Variants in FGF6 observed in about 807,000 individuals in gnomAD.
FGF6 encodes FGF-6.
Under a neutral mutation model 18.4 loss-of-function variants are expected in FGF6, and 14 were observed. The ratio of observed to expected loss-of-function variants is 0.76; its 90% CI spans 0.50 to 1.19. FGF6 has a LOEUF of 1.19. Ranked by LOEUF, FGF6 falls within the 50% of genes most tolerant of loss-of-function variation. FGF6 has a pLI of 0.00. For synonymous variants in FGF6, 125 were observed against 116.7 expected, an observed-to-expected ratio of 1.07 and a Z score of -0.46; for missense variants, 266 against 271.6, an observed-to-expected ratio of 0.98 and a Z score of 0.15.
intron 2 of FGF6, among the ~76,000 whole-genome samples, chr12:4,436,096 A>G (rs953731722): frequency 6.6e-6 from 1 of 152,100 alleles, no homozygotes; most frequent in Non-Finnish European, 1.5e-5. Flanking sequence ...AAGGAATCGT[A>G]CTGCTAGTGT....
At chr12:4,438,298 A>T (rs537451846) in intron 2 of FGF6, among the ~76,000 whole-genome samples, 71 of 152,324 alleles carry the variant, frequency 4.7e-4, no homozygotes, top group South Asian at 2.3e-3. Flanking sequence ...TCTGATGTGT[A>T]TACTGTTATA....
intron 2 of FGF6, among the ~76,000 whole-genome samples, chr12:4,440,540 C>T (rs1322548778): frequency 6.6e-6 from 1 of 152,224 alleles, no homozygotes; most frequent in Non-Finnish European, 1.5e-5. Flanking sequence ...CCCCTGACTG[C>T]TTCTTTTCCT....
chr12:4,439,778 A>G (rs1239925761), intron 2 of FGF6, among the ~76,000 whole-genome samples: 2 of 152,012 alleles, frequency 1.3e-5, no homozygotes, highest in Non-Finnish European at 2.9e-5. Flanking sequence ...GTACAAAACT[A>G]AAGTGAAAAA....
At chr12:4,440,379 C>T (rs1004142577) in intron 2 of FGF6, among the ~76,000 whole-genome samples, 2 of 152,172 alleles carry the variant, frequency 1.3e-5, no homozygotes, top group African/African-American at 4.8e-5. Context: ...GGATCTAATC[C>T]TGCTTTTAAA....
chr12:4,438,385 T>C (rs1017042175), intron 2 of FGF6, among the ~76,000 whole-genome samples: 2 of 152,170 alleles, frequency 1.3e-5, no homozygotes, highest in South Asian at 4.1e-4. Context: ...ATTCCACTCC[T>C]AGAAATTTAT....
rs189738416 is a variant in FGF6, at chr12:4,437,613, G to A, written c.451-3222C>T. Among the ~76,000 whole-genome samples the A allele has an allele frequency of 3.6e-4, 55 of 152,288 alleles. 1 individual carries two copies. The highest frequency in any genetic ancestry group is 1.2e-3 in the African/African-American group (51 of 41,542). On this transcript the variant is annotated intron_variant, in intron 2 of 2. Coordinates refer to ENST00000228837, the MANE Select transcript of FGF6 (RefSeq NM_020996.3). ...TACACTAATGAGAAGTCCAGTACAG[G>A]TCAATGAACAACATAGAGTCCAGCA... is the stretch of plus-strand genomic sequence containing the variant.
chr12:4,445,449 C>T lies in FGF6; in HGVS notation c.122G>A (p.Gly41Asp), dbSNP rs756228531. ...LVGMVVPSPAGTRANNTLLDS... is the reference protein window; with the variant it reads ...LVGMVVPSPADTRANNTLLDS... ...CAGCAGCGTGTTGTTGGCACGGGTG[C>T]CTGCAGGCGAGGGCACCACCATGCC... is the stretch of plus-strand genomic sequence containing the variant. The change falls in exon 1 of 3, where the codon GGC becomes GAC. Residue 41 changes from glycine to aspartate, a missense_variant. Gly to Asp is a moderately conservative substitution (Grantham distance 94). Transcript: ENST00000228837. The surrounding 1 kb of genome is among the most constrained non-coding windows in gnomAD (Gnocchi z 5.5). 14 of 1,613,296 alleles carry T rather than the reference C, an allele frequency of 8.7e-6. No individual in the cohort carries two copies. Among genetic ancestry groups the T allele is most frequent in the Non-Finnish European group, 1.2e-5 (14 of 1,180,012 alleles).
rs1175957464 is a variant in FGF6, at chr12:4,445,656, G to A, written c.-86C>T. 2 of 1,151,700 alleles carry A rather than the reference G, an allele frequency of 1.7e-6. No individual in the cohort carries two copies. The highest frequency in any genetic ancestry group is 1.6e-5 in the South Asian group (1 of 62,534). The allele number at this position is 1,151,700 out of a possible 1,614,324, so 71.3% of individuals were successfully genotyped here. A position where few individuals can be genotyped will look rare whatever the true frequency, so the allele number is the denominator to read the frequency against. On this transcript the variant is annotated 5_prime_UTR_variant, in exon 1 of 3. Transcript: ENST00000228837. This position sits in a 1 kb window ranked among gnomAD's most constrained non-coding sequence, Gnocchi z 5.5. ...TTTTTCTCCCTCCGGCATGGCGGCA[G>A]GGGCTTATTTTTGGAAGGCAGATGA...
chr12:4,445,643 C>T lies in FGF6; in HGVS notation c.-73G>A. The T allele has an allele frequency of 5.6e-6, 7 of 1,243,342 alleles. No homozygotes were observed. The highest frequency in any genetic ancestry group is 1.5e-5 in the South Asian group (1 of 65,830). The allele number at this position is 1,243,342 out of a possible 1,614,324, so 77.0% of individuals were successfully genotyped here. A position where few individuals can be genotyped will look rare whatever the true frequency, so the allele number is the denominator to read the frequency against. ...ACCGCCCTTCTTGTTTTTCTCCCTC[C>T]GGCATGGCGGCAGGGGCTTATTTTT... is the stretch of plus-strand genomic sequence containing the variant. On this transcript the variant is annotated 5_prime_UTR_variant, in exon 1 of 3. Transcript: ENST00000228837. The surrounding 1 kb of genome is among the most constrained non-coding windows in gnomAD (Gnocchi z 5.5).
chr12:4,441,680 C>A (rs1355426780), intron 2 of FGF6, among the ~76,000 whole-genome samples: 1 of 152,108 alleles, frequency 6.6e-6, no homozygotes. Context: ...ACACCTCAGC[C>A]CCAGCCCAGT....
chr12:4,437,057 G>C (rs767617368), intron 2 of FGF6, among the ~76,000 whole-genome samples: 1 of 152,204 alleles, frequency 6.6e-6, no homozygotes, highest in African/African-American at 2.4e-5. Flanking sequence ...TCTTAGCTAC[G>C]TGAGCCTGGG....
At chr12:4,435,435 C>T (rs2241284) in intron 2 of FGF6, among the ~76,000 whole-genome samples, 36,909 of 152,024 alleles carry the variant, frequency 0.24, 5,525 homozygotes, top group Middle Eastern at 0.39. Flanking sequence ...ACAGTTTCAT[C>T]CCCAAACCGT....
At chr12:4,436,104 T>C (rs902025443) in intron 2 of FGF6, among the ~76,000 whole-genome samples, 56 of 152,188 alleles carry the variant, frequency 3.7e-4, no homozygotes, top group African/African-American at 1.3e-3. Context: ...GTACTGCTAG[T>C]GTCCCATCTT....
Position 4,445,639 on chromosome 12 carries a change from C to T in FGF6, c.-69G>A. 5 of 1,303,312 alleles carry T rather than the reference C, an allele frequency of 3.8e-6. No homozygotes were observed. Among genetic ancestry groups the T allele is most frequent in the Non-Finnish European group, 5.2e-6 (5 of 963,650 alleles). 80.7% of individuals were successfully genotyped at this position (1,303,312 alleles called of 1,614,324 possible). ...AAATACCGCCCTTCTTGTTTTTCTC[C>T]CTCCGGCATGGCGGCAGGGGCTTAT... On this transcript the variant is annotated 5_prime_UTR_variant, in exon 1 of 3. Transcript: ENST00000228837. This position sits in a 1 kb window ranked among gnomAD's most constrained non-coding sequence, Gnocchi z 5.5.
intron 2 of FGF6, among the ~76,000 whole-genome samples, chr12:4,442,630 G>A (rs1156534775): frequency 3.3e-5 from 5 of 152,252 alleles, no homozygotes; most frequent in African/African-American, 7.2e-5. Flanking sequence ...ATGGGCTTCC[G>A]GGCATTATGC....
intron 2 of FGF6, among the ~76,000 whole-genome samples, chr12:4,441,570 C>A (rs1382351557): frequency 6.6e-6 from 1 of 152,146 alleles, no homozygotes; most frequent in Non-Finnish European, 1.5e-5. Context: ...AGCCTCCACA[C>A]CCCTCTTTCC....
rs373257554 is a variant in FGF6, at chr12:4,438,571, G to A, written c.451-4180C>T. Reference sequence around the variant, plus strand: ...AGGTCAGGAGATTGAGACCATCCTGGTCAACATGGTGAAACCGCATCTCTA... The same window carrying A: ...AGGTCAGGAGATTGAGACCATCCTGATCAACATGGTGAAACCGCATCTCTA... On this transcript the variant is annotated intron_variant, in intron 2 of 2. Transcript: ENST00000228837. 7.2e-5 allele frequency among the ~76,000 whole-genome samples: 11 copies of A among 151,976 alleles called. No homozygotes were observed. The East Asian group carries it at 1.7e-3, about 24-fold the overall frequency.
intron 2 of FGF6, 47 bp downstream of exon 2, chr12:4,444,086 G>A: frequency 8.4e-7 from 1 of 1,191,566 alleles, no homozygotes; most frequent in Non-Finnish European, 1.2e-6. Flanking sequence ...AACTGTGTAA[G>A]CATCAAGCCT....
In FGF6 at chr12:4,434,425, G is replaced by A. The variant is rs777104258; in HGVS notation, c.451-34C>T. ...GACATGGGCAAACAGCAGAGACTGG[G>A]TTACAAATGAGGAGTGCTGCAGATG... is the stretch of plus-strand genomic sequence containing the variant. On this transcript the variant is annotated intron_variant, in intron 2 of 2. Transcript: ENST00000228837. 4.3e-6 allele frequency: 7 copies of A among 1,611,828 alleles called. No individual in the cohort carries two copies. In the East Asian group the frequency reaches 1.3e-4, roughly 31 times the overall value.
Sources: gnomAD v4.1 joint callset for allele counts (sites outside exome capture counted in the v4.1 genomes callset) on GRCh38, gnomAD v4.1.1 for gene constraint, Gnocchi (gnomAD v3.1) non-coding constraint, MANE v1.5 for transcripts, NCBI Gene and HGNC (gene_info 2026-07-23, HGNC 2026-07-21) for gene names.